PNPLA4: variants seen among roughly 807,000 people sequenced by gnomAD.
PNPLA4 encodes the protein patatin like domain 4, phospholipase and triacylglycerol lipase.
Under a neutral mutation model 18.3 loss-of-function variants are expected in PNPLA4, and 15 were observed. The observed-to-expected ratio is 0.82, with a 90% CI of 0.55 to 1.26. PNPLA4 has a LOEUF of 1.26. PNPLA4 is among the 50% of genes most tolerant of loss of function. PNPLA4 has a pLI of 0.00. For missense variants in PNPLA4, 229 were observed against 196.8 expected, an observed-to-expected ratio of 1.16 and a Z score of -0.98; for synonymous variants, 88 against 85.6, an observed-to-expected ratio of 1.03 and a Z score of -0.16.
At chrX:7,904,168 G>A (rs1299789657) in intron 5 of PNPLA4, among the ~76,000 whole-genome samples, 1 of 111,782 alleles carries the variant, frequency 8.9e-6, no homozygotes, top group East Asian at 2.8e-4. Flanking sequence ...TGTCATCAAC[G>A]ATGTAAAAAT....
intron 2 of PNPLA4, 97 bp downstream of exon 2, chrX:7,925,843 T>C (rs1243382222): frequency 3.0e-6 from 2 of 671,249 alleles, no homozygotes. Flanking sequence ...AAACGATTAT[T>C]TCTCTGCAGT....
At chrX:7,920,139 G>A (rs1308496219) in intron 4 of PNPLA4, among the ~76,000 whole-genome samples, 1 of 111,565 alleles carries the variant, frequency 9.0e-6, no homozygotes, top group Non-Finnish European at 1.9e-5. Context: ...CAGGAGGGAT[G>A]TGGGGAGATC....
chrX:7,901,469 C>T (rs1326774391), intron 6 of PNPLA4, among the ~76,000 whole-genome samples: 1 of 110,511 alleles, frequency 9.0e-6, no homozygotes, highest in East Asian at 2.8e-4. Context: ...CGCCTGCAGT[C>T]CCAGGTACTT....
intron 6 of PNPLA4, among the ~76,000 whole-genome samples, chrX:7,901,529 G>A (rs1486461861): frequency 8.9e-6 from 1 of 111,912 alleles, no homozygotes; most frequent in Non-Finnish European, 1.9e-5. Context: ...CAAGGCTGCA[G>A]TGAGACATGA....
intron 4 of PNPLA4, among the ~76,000 whole-genome samples, chrX:7,918,987 G>A (rs1336123010): frequency 8.9e-6 from 1 of 111,846 alleles, no homozygotes; most frequent in Non-Finnish European, 1.9e-5. Context: ...TTTTAGTTCT[G>A]AAAAATGTTA....
chrX:7,912,581 T>C (rs1923910956), intron 4 of PNPLA4, among the ~76,000 whole-genome samples: 2 of 111,998 alleles, frequency 1.8e-5, no homozygotes, highest in African/African-American at 6.5e-5. Context: ...TATGTTCCAA[T>C]GACGTGGTCA....
At chrX:7,903,711 T>A (rs927397067) in intron 5 of PNPLA4, among the ~76,000 whole-genome samples, 18 of 112,131 alleles carry the variant, frequency 1.6e-4, no homozygotes, top group African/African-American at 5.5e-4. Context: ...AAATAAAAGA[T>A]AAAAATGGGT....
rs1443227259 is a variant in PNPLA4, at chrX:7,899,189, TG to T, written c.*1496del. On this transcript the variant is annotated 3_prime_UTR_variant, in exon 7 of 7. Transcript: ENST00000381042. Reference sequence around the variant, plus strand: ...AAAAAGAGGCCATCGTTGGTGTTTATGTGCTAAAAGTTGTGTATTTTGGCTT... The same window carrying T: ...AAAAAGAGGCCATCGTTGGTGTTTATTGCTAAAAGTTGTGTATTTTGGCTT... 8.9e-6 allele frequency: 1 copy of T among 111,787 alleles called. No homozygotes were observed. Among genetic ancestry groups the T allele is most frequent in the African/African-American group, 3.3e-5 (1 of 30,741 alleles). 9.2% of individuals were successfully genotyped at this position (111,787 alleles called of 1,213,427 possible).
intron 5 of PNPLA4, 22 bp from the exon 6 acceptor site, chrX:7,902,163 G>A (rs764175076): frequency 2.9e-5 from 34 of 1,171,875 alleles, no homozygotes; most frequent in Non-Finnish European, 3.7e-5. Context: ...AACATCTCAC[G>A]TCAGCACACG....
rs1923445719 is a variant in PNPLA4, at chrX:7,899,521, T to C, written c.*1165A>G. The C allele has an allele frequency of 9.1e-6, 1 of 110,115 alleles. No individual in the cohort carries two copies. The highest frequency in any genetic ancestry group is 1.9e-5 in the Non-Finnish European group (1 of 52,827). 9.1% of individuals were successfully genotyped at this position (110,115 alleles called of 1,213,427 possible). ...TATTCTGGATTTAATTCTTATTTAC[T>C]AGGCTACTTGGTTCTTTGTGTTTAG... On this transcript the variant is annotated 3_prime_UTR_variant, in exon 7 of 7. Transcript: ENST00000381042.
intron 2 of PNPLA4, 72 bp downstream of exon 2, chrX:7,925,868 G>A: frequency 1.1e-6 from 1 of 888,525 alleles, no homozygotes; most frequent in Non-Finnish European, 1.6e-6. Flanking sequence ...ACTTAGTAGA[G>A]TCAATGCTGG....
intron 2 of PNPLA4, among the ~76,000 whole-genome samples, chrX:7,923,067 T>C (rs897496794): frequency 8.9e-6 from 1 of 112,601 alleles, no homozygotes; most frequent in African/African-American, 3.2e-5. Flanking sequence ...GTCTTAACAT[T>C]GCAGAATTTC....
At chrX:7,917,963 A>T (rs902510190) in intron 4 of PNPLA4, among the ~76,000 whole-genome samples, 2 of 112,371 alleles carry the variant, frequency 1.8e-5, no homozygotes, top group Non-Finnish European at 3.8e-5. Flanking sequence ...GGCATTTTTT[A>T]AAAAATTCAA....
chrX:7,925,093 A>G (rs1400238477), intron 2 of PNPLA4, among the ~76,000 whole-genome samples: 1 of 112,440 alleles, frequency 8.9e-6, no homozygotes, highest in East Asian at 2.8e-4. Flanking sequence ...ATATAAAGAC[A>G]GGAAGATAGG....
intron 6 of PNPLA4, among the ~76,000 whole-genome samples, chrX:7,901,515 C>T (rs976005659): frequency 4.5e-5 from 5 of 111,358 alleles, no homozygotes; most frequent in South Asian, 3.8e-4. Flanking sequence ...TGAGCCTGGG[C>T]GGTCAAGGCT....
At chrX:7,910,094 G>C (rs1181613736) in intron 5 of PNPLA4, among the ~76,000 whole-genome samples, 1 of 112,203 alleles carries the variant, frequency 8.9e-6, no homozygotes, top group African/African-American at 3.2e-5. Context: ...AATTTTACTT[G>C]TCAATTCAAC....
intron 5 of PNPLA4, among the ~76,000 whole-genome samples, chrX:7,911,440 G>A (rs999477723): frequency 1.8e-5 from 2 of 109,801 alleles, no homozygotes; most frequent in Admixed American, 9.7e-5. Context: ...CACAGTCAGC[G>A]CAGACTTCAG....
chrX:7,922,040 G>C lies in PNPLA4; in HGVS notation c.239C>G (p.Ala80Gly). ...CATGAAGTCATAACCGGGCGTTACT[G>C]CCCCGAAAGACTGCCTTCTGATTTC... The part of the protein sequence containing the change: ...AEEIRRQSFG[A>G]VTPGYDFMAR... Residue 80 changes from alanine (A) to glycine (G), a missense_variant, in exon 3 of 7, where the codon GCA becomes GGA. Transcript: ENST00000381042. 11 of 1,209,109 alleles carry C rather than the reference G, an allele frequency of 9.1e-6. No homozygotes were observed. Among genetic ancestry groups the C allele is most frequent in the Non-Finnish European group, 1.2e-5 (11 of 893,380 alleles).
chrX:7,912,193 C>A, intron 4 of PNPLA4, 100 bp from the exon 5 acceptor site: 2 of 562,058 alleles, frequency 3.6e-6, no homozygotes, highest in Non-Finnish European at 6.1e-6. Context: ...AATAAATAAG[C>A]CCCACAGACT....
Sources: allele counts gnomAD v4.1 joint callset (sites outside exome capture counted in the v4.1 genomes callset), GRCh38; gene constraint gnomAD v4.1.1; transcripts MANE v1.5; gene names NCBI Gene and HGNC (gene_info 2026-07-23, HGNC 2026-07-21).